The following FRAS1 variants were observed in gnomAD, a reference collection of about 807,000 sequenced individuals.
FRAS1 encodes Fraser extracellular matrix complex subunit 1.
FRAS1 carries 290 observed loss-of-function variants against 435.2 expected under a neutral mutation model. The observed-to-expected ratio is 0.67, with a 90% CI of 0.61 to 0.73. The LOEUF (loss-of-function observed/expected upper bound fraction) is 0.73, where lower values mean the gene tolerates loss of function less well. Ranked by LOEUF, FRAS1 falls within the 30% of genes least tolerant of loss-of-function variation. FRAS1 has a pLI of 0.00. For missense variants in FRAS1, 4,860 were observed against 5,001.5 expected, an observed-to-expected ratio of 0.97 and a Z score of 0.85; for synonymous variants, 1,800 against 1,851.0, an observed-to-expected ratio of 0.97 and a Z score of 0.71.
chr4:78,133,930 G>A (rs1719801662), intron 2 of FRAS1, among the ~76,000 whole-genome samples: 1 of 151,432 alleles, frequency 6.6e-6, no homozygotes, highest in East Asian at 1.9e-4. Flanking sequence ...TTTAAGAAAG[G>A]TGAGGGAGCT....
intron 69 of FRAS1, among the ~76,000 whole-genome samples, chr4:78,524,632 G>A (rs946481177): frequency 6.6e-6 from 1 of 152,142 alleles, no homozygotes; most frequent in African/African-American, 2.4e-5. Context: ...GGCTTGGGAG[G>A]CTATGCTATT....
chr4:78,478,572 G>A (rs572113876), intron 55 of FRAS1, among the ~76,000 whole-genome samples: 1 of 152,292 alleles, frequency 6.6e-6, no homozygotes, highest in African/African-American at 2.4e-5. Context: ...CATAGTAATT[G>A]TGCATGTTGA....
rs141568854 is a variant in FRAS1, at chr4:78,438,853, T to C, written c.5367-49T>C. Reference sequence around the variant, plus strand: ...TAAACAAAGATGCTGCTGTCTTACCTGGCTTGTCATCGTGGCTTATTCATT... The same window carrying C: ...TAAACAAAGATGCTGCTGTCTTACCCGGCTTGTCATCGTGGCTTATTCATT... On this transcript the variant is annotated intron_variant, in intron 39 of 73. Transcript: ENST00000512123. 38 of 1,556,234 alleles carry C rather than the reference T, an allele frequency of 2.4e-5. No homozygotes were observed. The East Asian group carries it at 2.5e-4, about 10-fold the overall frequency.
chr4:78,372,583 G>A (rs1387363953), intron 23 of FRAS1, 135 bp from the exon 24 acceptor site: 4 of 1,035,310 alleles, frequency 3.9e-6, no homozygotes, highest in Non-Finnish European at 5.8e-6. Flanking sequence ...AACCTCATTT[G>A]AGCCTACTTA....
intron 31 of FRAS1, 45 bp downstream of exon 31, chr4:78,407,886 A>G (rs1269346824): frequency 6.8e-7 from 1 of 1,476,542 alleles, no homozygotes; most frequent in African/African-American, 1.4e-5. Flanking sequence ...TGAATCCAAT[A>G]ATCCAATCGC....
intron 52 of FRAS1, 22 bp downstream of exon 52, chr4:78,472,352 A>G (rs1023523415): frequency 6.4e-7 from 1 of 1,563,112 alleles, no homozygotes; most frequent in Non-Finnish European, 8.7e-7. Flanking sequence ...CTGGGAACTT[A>G]GAAATGGGAG....
intron 14 of FRAS1, among the ~76,000 whole-genome samples, chr4:78,301,706 A>G (rs1278956968): frequency 6.6e-6 from 1 of 152,038 alleles, no homozygotes; most frequent in East Asian, 1.9e-4. Flanking sequence ...GGACCATCTG[A>G]TTTCATTAAG....
At chr4:78,222,802 G>A (rs143376174) in intron 2 of FRAS1, among the ~76,000 whole-genome samples, 22 of 152,252 alleles carry the variant, frequency 1.4e-4, no homozygotes, top group African/African-American at 5.1e-4. Context: ...TTCAACTTCC[G>A]CTGCATTTTG....
At chr4:78,525,281 A>G (rs1253923366) in intron 69 of FRAS1, among the ~76,000 whole-genome samples, 2 of 152,242 alleles carry the variant, frequency 1.3e-5, no homozygotes, top group African/African-American at 4.8e-5. Flanking sequence ...TATCCACATT[A>G]TAGGTGTCAT....
rs772941624 is a variant in FRAS1 at position 78,540,766 on chromosome 4, C to T, written c.11681C>T (p.Ala3894Val). 8.4e-5 allele frequency: 135 copies of T among 1,613,604 alleles called. No homozygotes were observed. The highest frequency in any genetic ancestry group is 4.5e-4 in the South Asian group (41 of 91,040). Residue 3894 changes from alanine to valine, a missense_variant, in exon 74 of 74, where the codon GCG becomes GTG. Physicochemically the swap from Ala to Val is moderately conservative, Grantham distance 64. Transcript: ENST00000512123. ...KSLNLEMQEL[A>V]VAASLSQTGA... ...CTGAATCTGGAGATGCAAGAGTTGG[C>T]GGTAGCTGCGTCCCTGTCACAGACT...
In FRAS1 at chr4:78,534,539, G is replaced by C; in HGVS notation, c.11016G>C (p.Glu3672Asp). Residue 3672 changes from glutamate (E) to aspartate (D), a missense_variant, in exon 71 of 74, where the codon GAG (glutamate) becomes GAC (aspartate). By Grantham distance (45) the Glu-to-Asp change is conservative. Coordinates refer to ENST00000512123, the MANE Select transcript of FRAS1 (RefSeq NM_025074.7). ...CTGAATTTCAGCTCTGCAATAATGA[G>C]AAGGTGTTCCTAATGGATCCCAATA... Reference protein sequence around the residue: ...LNTEFQLCNNEKVFLMDPNTS... With the variant: ...LNTEFQLCNNDKVFLMDPNTS... The C allele has an allele frequency of 9.9e-6, 16 of 1,613,632 alleles. No homozygotes were observed. Among genetic ancestry groups the C allele is most frequent in the Non-Finnish European group, 1.4e-5 (16 of 1,179,580 alleles).
At chr4:78,407,192 A>C (rs1480588014) in intron 30 of FRAS1, among the ~76,000 whole-genome samples, 1 of 152,246 alleles carries the variant, frequency 6.6e-6, no homozygotes, top group Admixed American at 6.5e-5. Context: ...CTGTATTACT[A>C]TCATTGGACA....
In FRAS1 at chr4:78,188,298, TATCTATCTATCTATCTATCTA is replaced by T. The variant is rs1250044724; in HGVS notation, c.109-49197_109-49177del. On this transcript the variant is annotated intron_variant, in intron 2 of 73. Coordinates refer to ENST00000512123, the MANE Select transcript of FRAS1 (RefSeq NM_025074.7). ...CTGTCTGTCTATCTATCTATCTATC[TATCTATCTATCTATCTATCTA>T]ATCTATCTATCTATATTTAGGTTGG... 6.1e-3 allele frequency among the ~76,000 whole-genome samples: 64 copies of T among 10,484 alleles called. No individual in the cohort carries two copies. In the East Asian group the frequency reaches 0.5, roughly 82 times the overall value. 6.9% of individuals were successfully genotyped at this position (10,484 alleles called of 152,430 possible). A position where few individuals can be genotyped will look rare whatever the true frequency, so the allele number is the denominator to read the frequency against.
chr4:78,320,631 A>G (rs981137299), intron 18 of FRAS1, among the ~76,000 whole-genome samples: 1 of 151,936 alleles, frequency 6.6e-6, no homozygotes, highest in Non-Finnish European at 1.5e-5. Flanking sequence ...AGAAAGAGAA[A>G]GCATAACTTC....
intron 2 of FRAS1, among the ~76,000 whole-genome samples, chr4:78,105,048 T>A (rs1404255391): frequency 6.6e-6 from 1 of 152,184 alleles, no homozygotes; most frequent in Non-Finnish European, 1.5e-5. Context: ...TTTCCTTCCT[T>A]TAGTTCCAAA....
chr4:78,301,944 G>A (rs1728428493), intron 14 of FRAS1, among the ~76,000 whole-genome samples: 1 of 149,436 alleles, frequency 6.7e-6, no homozygotes, highest in Non-Finnish European at 1.5e-5. Flanking sequence ...ATGCTGGTGC[G>A]CTGCACCCTC....
intron 2 of FRAS1, among the ~76,000 whole-genome samples, chr4:78,097,666 G>A (rs1467577535): frequency 6.6e-6 from 1 of 150,996 alleles, no homozygotes; most frequent in Non-Finnish European, 1.5e-5. Flanking sequence ...CACTATCATA[G>A]AACAGCATGG....
At chr4:78,148,566 A>G (rs1264120171) in intron 2 of FRAS1, among the ~76,000 whole-genome samples, 1 of 152,208 alleles carries the variant, frequency 6.6e-6, no homozygotes, top group Non-Finnish European at 1.5e-5. Flanking sequence ...TTGAGCTTCT[A>G]AATTAACACT....
At chr4:78,449,104 A>G (rs1718942107) in intron 44 of FRAS1, among the ~76,000 whole-genome samples, 1 of 152,176 alleles carries the variant, frequency 6.6e-6, no homozygotes. Context: ...TTACTGTTTC[A>G]TGGATGCTGG....
Sources: allele counts gnomAD v4.1 joint callset (sites outside exome capture counted in the v4.1 genomes callset), GRCh38; gene constraint gnomAD v4.1.1; transcripts MANE v1.5; gene names NCBI Gene and HGNC (gene_info 2026-07-23, HGNC 2026-07-21).